NAALADL2: variants seen among roughly 807,000 people sequenced by gnomAD.
The protein encoded by NAALADL2 is inactive N-acetylated-alpha-linked acidic dipeptidase-like protein 2.
Under a neutral mutation model 87.2 loss-of-function variants are expected in NAALADL2, and 76 were observed. That is an observed-to-expected ratio of 0.87 (90% CI 0.72 to 1.05). NAALADL2 has a LOEUF of 1.05. Among genes scored for constraint, NAALADL2 ranks in the 50% least tolerant of loss-of-function variants. The pLI is 0.00. For missense variants in NAALADL2, 1,089 were observed against 945.8 expected (o/e 1.15, Z -1.99); for synonymous variants, 354 against 331.0 (o/e 1.07, Z -0.75).
chr3:175,796,293 C>T (rs929410532), intron 13 of NAALADL2, among the ~76,000 whole-genome samples: 2 of 152,074 alleles, frequency 1.3e-5, no homozygotes, highest in African/African-American at 4.8e-5. Flanking sequence ...GTAGTCTGTG[C>T]CTCTTGATGG....
At chr3:175,720,211 A>G (rs1188490140) in intron 11 of NAALADL2, among the ~76,000 whole-genome samples, 1 of 152,136 alleles carries the variant, frequency 6.6e-6, no homozygotes, top group Non-Finnish European at 1.5e-5. Flanking sequence ...TGAACACAAC[A>G]ATCGATGCTG....
chr3:175,710,941 A>G (rs1414003196), intron 11 of NAALADL2, among the ~76,000 whole-genome samples: 2 of 151,900 alleles, frequency 1.3e-5, no homozygotes, highest in Admixed American at 1.3e-4. Flanking sequence ...ATAGCCCAGA[A>G]TTATTCTTGA....
intron 10 of NAALADL2, among the ~76,000 whole-genome samples, chr3:175,613,607 T>C (rs886503364): frequency 1.3e-5 from 2 of 152,194 alleles, no homozygotes; most frequent in Non-Finnish European, 2.9e-5. Context: ...ATAAAGTCAA[T>C]CATATGTTTC....
chr3:174,890,474 TA>T (rs1295894356), intron 1 of NAALADL2, among the ~76,000 whole-genome samples: 6 of 152,168 alleles, frequency 3.9e-5, no homozygotes, highest in Admixed American at 2.6e-4. Flanking sequence ...GCTAAATAAT[TA>T]ACTGTTGAGG....
intron 11 of NAALADL2, among the ~76,000 whole-genome samples, chr3:175,729,621 A>G (rs1743393153): frequency 6.6e-6 from 1 of 152,130 alleles, no homozygotes; most frequent in Non-Finnish European, 1.5e-5. Flanking sequence ...CAATTTCTAT[A>G]CATCACTTCC....
At chr3:174,679,969 G>A (rs1727380230) in intron 2 of NAALADL2, among the ~76,000 whole-genome samples, 1 of 152,110 alleles carries the variant, frequency 6.6e-6, no homozygotes, top group Admixed American at 6.6e-5. Context: ...AATCTTCAGA[G>A]TGTGGTCTTT....
intron 1 of NAALADL2, among the ~76,000 whole-genome samples, chr3:174,891,551 A>T (rs893008405): frequency 3.9e-5 from 6 of 152,106 alleles, no homozygotes; most frequent in African/African-American, 1.4e-4. Context: ...GTTGGCACAG[A>T]AAGCAGACCC....
At chr3:174,494,446 G>C (rs1718391210) in intron 1 of NAALADL2, among the ~76,000 whole-genome samples, 1 of 150,100 alleles carries the variant, frequency 6.7e-6, no homozygotes, top group Admixed American at 6.6e-5. Flanking sequence ...GACACGGGAT[G>C]GGGAACATCA....
intron 3 of NAALADL2, among the ~76,000 whole-genome samples, chr3:174,748,988 C>G (rs1221754618): frequency 6.6e-6 from 1 of 152,080 alleles, no homozygotes; most frequent in African/African-American, 2.4e-5. Context: ...TGGCTATTTT[C>G]AAAAATATTG....
At chr3:175,764,214 C>T (rs892047643) in intron 13 of NAALADL2, among the ~76,000 whole-genome samples, 4 of 151,148 alleles carry the variant, frequency 2.6e-5, no homozygotes, top group Non-Finnish European at 5.9e-5. Context: ...ATTTTTCATT[C>T]TTATGTATGG....
intron 3 of NAALADL2, among the ~76,000 whole-genome samples, chr3:174,819,213 T>G (rs1371150376): frequency 6.6e-6 from 1 of 151,348 alleles, no homozygotes; most frequent in East Asian, 2.0e-4. Flanking sequence ...CAAAGGCACA[T>G]GCCACCATGC....
chr3:175,455,531 C>G (rs1444728747), intron 6 of NAALADL2, among the ~76,000 whole-genome samples: 2 of 152,140 alleles, frequency 1.3e-5, no homozygotes, highest in East Asian at 3.9e-4. Context: ...TTCCTAGTTA[C>G]ATAATTTTAC....
At chr3:174,779,272 G>A (rs1715627554) in intron 3 of NAALADL2, among the ~76,000 whole-genome samples, 1 of 151,924 alleles carries the variant, frequency 6.6e-6, no homozygotes, top group Admixed American at 6.6e-5. Context: ...CTGCATAAAT[G>A]TCTTCTTTTG....
intron 4 of NAALADL2, among the ~76,000 whole-genome samples, chr3:175,270,054 A>G (rs1752579419): frequency 6.6e-6 from 1 of 152,230 alleles, no homozygotes; most frequent in South Asian, 2.1e-4. Flanking sequence ...TTCAAAATAA[A>G]TAAATGTGGG....
At chr3:174,897,404 G>C (rs1731683008) in intron 1 of NAALADL2, among the ~76,000 whole-genome samples, 1 of 145,994 alleles carries the variant, frequency 6.8e-6, no homozygotes, top group South Asian at 2.1e-4. Context: ...ATGGCAAACT[G>C]GTAAAAAAAA....
At chr3:174,863,845 A>T (rs1413980414) in intron 1 of NAALADL2, 2 of 286,856 alleles carry the variant, frequency 7.0e-6, no homozygotes, top group African/African-American at 4.6e-5. Context: ...TTCAATTAAC[A>T]GAAGTGCAAG....
intron 1 of NAALADL2, among the ~76,000 whole-genome samples, chr3:175,092,251 ATAAGTAT>A (rs1230717370): frequency 6.6e-6 from 1 of 151,932 alleles, no homozygotes; most frequent in Non-Finnish European, 1.5e-5. Flanking sequence ...AAAATTAAGC[ATAAGTAT>A]TAAGTGTCTG....
chr3:174,641,431 A>G (rs536342333), intron 2 of NAALADL2, among the ~76,000 whole-genome samples: 1 of 138,834 alleles, frequency 7.2e-6, no homozygotes, highest in Non-Finnish European at 1.5e-5. Context: ...AAGATTTACT[A>G]TGGTGAAAAT....
intron 1 of NAALADL2, among the ~76,000 whole-genome samples, chr3:174,998,326 A>G (rs1747804050): frequency 6.6e-6 from 1 of 152,206 alleles, no homozygotes; most frequent in African/African-American, 2.4e-5. Flanking sequence ...AAACACTTAC[A>G]GATATCTGGT....
Sources: gnomAD v4.1 joint callset for allele counts (sites outside exome capture counted in the v4.1 genomes callset) on GRCh38, gnomAD v4.1.1 for gene constraint, MANE v1.5 for transcripts, NCBI Gene and HGNC (gene_info 2026-07-23, HGNC 2026-07-21) for gene names.